Variants in MTHFD2 observed in about 807,000 individuals in gnomAD.
The protein encoded by MTHFD2 is bifunctional methylenetetrahydrofolate dehydrogenase/cyclohydrolase, mitochondrial.
MTHFD2 carries 26 observed loss-of-function variants against 36.8 expected under a neutral mutation model. The ratio of observed to expected loss-of-function variants is 0.71; its 90% CI spans 0.52 to 0.98. The LOEUF (loss-of-function observed/expected upper bound fraction) is 0.98, where lower values mean the gene tolerates loss of function less well. Among genes scored for constraint, MTHFD2 ranks in the 50% least tolerant of loss-of-function variants. The pLI, the probability that MTHFD2 is intolerant of heterozygous loss-of-function variation, is 0.00. For synonymous variants in MTHFD2, 164 were observed against 155.2 expected (o/e 1.06, Z -0.42); for missense variants, 373 against 434.0 (o/e 0.86, Z 1.25).
chr2:74,211,066 T>C, intron 5 of MTHFD2, 133 bp from the exon 6 acceptor site: 1 of 592,436 alleles, frequency 1.7e-6, no homozygotes, highest in Non-Finnish European at 3.1e-6. Flanking sequence ...ATTACAGGCG[T>C]GAGCCACTGC....
intron 2 of MTHFD2, 112 bp downstream of exon 2, chr2:74,206,001 C>G (rs1338521835): frequency 1.7e-6 from 2 of 1,147,088 alleles, no homozygotes; most frequent in African/African-American, 3.1e-5. Context: ...GCAGAGGAGG[C>G]TAATGTGATT....
rs1303236098 is a variant in MTHFD2 at position 74,216,285 on chromosome 2, G to GA, written c.*2049dup. On this transcript the variant is annotated 3_prime_UTR_variant, in exon 8 of 8. Transcript: ENST00000394053. Reference sequence around the variant, plus strand: ...TTTTATTGAATTACAGTTACAAGTGGAAAAAATGACTGACTTACTGCATGG... The same window carrying GA: ...TTTTATTGAATTACAGTTACAAGTGGAAAAAAATGACTGACTTACTGCATGG... The GA allele has an allele frequency of 1.3e-5, 2 of 152,090 alleles. No homozygotes were observed. Among genetic ancestry groups the GA allele is most frequent in the African/African-American group, 2.4e-5 (1 of 41,414 alleles). The allele number at this position is 152,090 out of a possible 1,614,324, so 9.4% of individuals were successfully genotyped here.
chr2:74,206,815 T>G (rs1449482229), intron 2 of MTHFD2, among the ~76,000 whole-genome samples: 1 of 152,140 alleles, frequency 6.6e-6, no homozygotes, highest in Admixed American at 6.5e-5. Context: ...TTCAAGTAAT[T>G]CTCCTGCCTC....
At chr2:74,198,789 G>T in intron 1 of MTHFD2, 47 bp downstream of exon 1, 2 of 1,502,124 alleles carry the variant, frequency 1.3e-6, no homozygotes, top group Non-Finnish European at 1.8e-6. Context: ...TGAGGGGAAC[G>T]GAGGGCGAGG....
rs1481944411 is a variant in MTHFD2 at position 74,214,255 on chromosome 2, C to G, written c.*13C>G. 1.2e-6 allele frequency: 2 copies of G among 1,612,482 alleles called. No individual in the cohort carries two copies. The highest frequency in any genetic ancestry group is 4.5e-5 in the East Asian group (2 of 44,844). On this transcript the variant is annotated 3_prime_UTR_variant, in exon 8 of 8. Transcript: ENST00000394053. ...AGCCACTAATTAACTACTGTGTCTT[C>G]TGTGTCACAAACAGCACTCCAGGCC...
chr2:74,202,255 T>G (rs943900680), intron 1 of MTHFD2, among the ~76,000 whole-genome samples: 5 of 152,154 alleles, frequency 3.3e-5, no homozygotes, highest in African/African-American at 1.2e-4. Flanking sequence ...TGTGTGTATA[T>G]ATACATATAT....
chr2:74,207,623 G>A, intron 2 of MTHFD2, 81 bp from the exon 3 acceptor site: 1 of 1,362,296 alleles, frequency 7.3e-7, no homozygotes, highest in Non-Finnish European at 1.0e-6. Context: ...AACCCGTATG[G>A]TAGCCAAGTA....
rs1694452556 is a variant in MTHFD2 at position 74,216,613 on chromosome 2, T to C, written c.*2371T>C. 1 of 152,126 alleles carries C rather than the reference T, an allele frequency of 6.6e-6. No homozygotes were observed. The highest frequency in any genetic ancestry group is 2.1e-4 in the South Asian group (1 of 4,832). 9.4% of individuals were successfully genotyped at this position (152,126 alleles called of 1,614,324 possible). On this transcript the variant is annotated 3_prime_UTR_variant, in exon 8 of 8. Transcript: ENST00000394053. ...GATAAATACTTTTTTTAAAAATTAATTATTATTGTTTATAAGACATGGATT... is the reference window on the plus strand; with the variant it reads ...GATAAATACTTTTTTTAAAAATTAACTATTATTGTTTATAAGACATGGATT...
chr2:74,208,754 A>G (rs760386196), intron 4 of MTHFD2, 33 bp downstream of exon 4: 2 of 1,604,226 alleles, frequency 1.2e-6, no homozygotes, highest in South Asian at 2.2e-5. Context: ...TGTCTGTGTT[A>G]ATATTATAAA....
chr2:74,199,676 C>A (rs1693996691), intron 1 of MTHFD2, among the ~76,000 whole-genome samples: 1 of 149,826 alleles, frequency 6.7e-6, no homozygotes, highest in African/African-American at 2.5e-5. Context: ...CCACTGCCCT[C>A]CAGTCTGGGC....
intron 2 of MTHFD2, among the ~76,000 whole-genome samples, chr2:74,207,329 C>T (rs917776499): frequency 1.3e-5 from 2 of 151,654 alleles, no homozygotes; most frequent in Non-Finnish European, 2.9e-5. Context: ...GGGTTTTCAC[C>T]GTGTTAGCCA....
rs570541496 is a variant in MTHFD2 at position 74,210,080 on chromosome 2, C to G, written c.670+31C>G. On this transcript the variant is annotated intron_variant, in intron 5 of 7. Coordinates refer to ENST00000394053, the MANE Select transcript of MTHFD2 (RefSeq NM_006636.4). ...GAAATTGCTTTCAGGGAACACTGTCCTTTTTTCCCCATGTAAGAACTTTCA... is the reference window on the plus strand; with the variant it reads ...GAAATTGCTTTCAGGGAACACTGTCGTTTTTTCCCCATGTAAGAACTTTCA... 15 of 1,565,566 alleles carry G rather than the reference C, an allele frequency of 9.6e-6. No individual in the cohort carries two copies. In the East Asian group the frequency reaches 3.2e-4, roughly 33 times the overall value.
intron 6 of MTHFD2, 39 bp from the exon 7 acceptor site, chr2:74,211,702 T>C (rs760689468): frequency 1.0e-5 from 16 of 1,562,478 alleles, no homozygotes; most frequent in Non-Finnish European, 1.2e-5. Flanking sequence ...GGTAGACTGT[T>C]TTCAGTACTA....
rs185227951 is a variant in MTHFD2, at chr2:74,216,939, C to T, written c.*2697C>T. ...TTATACTTAAGCATAGGAGATGGTT[C>T]TGGAAATTCTAAGAAATTCTGCTCT... On this transcript the variant is annotated 3_prime_UTR_variant, in exon 8 of 8. Transcript: ENST00000394053. 1.3e-5 allele frequency: 2 copies of T among 152,276 alleles called. No individual in the cohort carries two copies. Among genetic ancestry groups the T allele is most frequent in the East Asian group, 1.9e-4 (1 of 5,184 alleles). 9.4% of individuals were successfully genotyped at this position (152,276 alleles called of 1,614,324 possible).
intron 1 of MTHFD2, among the ~76,000 whole-genome samples, chr2:74,201,523 A>ATT (rs56236601): frequency 2.7e-4 from 39 of 145,978 alleles, no homozygotes; most frequent in South Asian, 2.2e-4. Flanking sequence ...TGCCTGGCTA[A>ATT]TTTTTTTTTT....
chr2:74,206,819 C>T (rs1381135756), intron 2 of MTHFD2, among the ~76,000 whole-genome samples: 1 of 152,186 alleles, frequency 6.6e-6, no homozygotes, highest in Non-Finnish European at 1.5e-5. Flanking sequence ...AGTAATTCTC[C>T]TGCCTCAGCC....
chr2:74,213,973 C>G, intron 7 of MTHFD2, 106 bp from the exon 8 acceptor site: 1 of 1,254,282 alleles, frequency 8.0e-7, no homozygotes, highest in Non-Finnish European at 1.1e-6. Context: ...GAGTTTTATG[C>G]TTATGTATGT....
intron 5 of MTHFD2, among the ~76,000 whole-genome samples, chr2:74,210,825 G>A (rs1694287582): frequency 7.3e-6 from 1 of 136,284 alleles, no homozygotes; most frequent in Non-Finnish European, 1.5e-5. Context: ...GTCTTGCCCT[G>A]TTGCCCAGGC....
At chr2:74,210,172 A>G in intron 5 of MTHFD2, 123 bp downstream of exon 5, 1 of 699,908 alleles carries the variant, frequency 1.4e-6, no homozygotes, top group South Asian at 2.6e-5. Context: ...AAATTTTGTT[A>G]ACAGACAATT....
Sources: gnomAD v4.1 joint callset for allele counts (sites outside exome capture counted in the v4.1 genomes callset) on GRCh38, gnomAD v4.1.1 for gene constraint, MANE v1.5 for transcripts, NCBI Gene and HGNC (gene_info 2026-07-23, HGNC 2026-07-21) for gene names.